NIPA2: variants seen among roughly 807,000 people sequenced by gnomAD.
The protein encoded by NIPA2 is NIPA magnesium transporter 2.
NIPA2 carries 11 observed loss-of-function variants against 29.7 expected under a neutral mutation model. The ratio of observed to expected loss-of-function variants is 0.37; its 90% CI spans 0.23 to 0.61. The LOEUF (loss-of-function observed/expected upper bound fraction) is 0.61, where lower values mean the gene tolerates loss of function less well. NIPA2 is among the 20% of genes least tolerant of loss of function. The probability of loss-of-function intolerance (pLI) is 0.66; values close to 1 mark genes in which losing one functional copy is unlikely to be tolerated. For synonymous variants in NIPA2, 183 were observed against 161.9 expected, an observed-to-expected ratio of 1.13 and a Z score of -0.99; for missense variants, 426 against 437.9, an observed-to-expected ratio of 0.97 and a Z score of 0.24.
At chr15:22,840,613 G>T (rs898506747) in intron 2 of NIPA2, among the ~76,000 whole-genome samples, 3 of 152,094 alleles carry the variant, frequency 2.0e-5, no homozygotes, top group Admixed American at 6.5e-5. Context: ...GAGCTCTAAA[G>T]TGTTAATGTA....
At position 22,867,366 on chromosome 15, in the gene NIPA2, T is replaced by TGAAG. The variant is rs1430800928; in HGVS notation, c.*523_*526dup. The TGAAG allele has an allele frequency of 1.5e-5, 6 of 393,258 alleles. No homozygotes were observed. Among genetic ancestry groups the TGAAG allele is most frequent in the African/African-American group, 2.1e-5 (1 of 48,520 alleles). The allele number at this position is 393,258 out of a possible 1,614,324, so 24.4% of individuals were successfully genotyped here. ...ATTAAGGGAAAACTAAGTTACTGAA[T>TGAAG]GAAGGAACCTCTTTCTTACAAAACA... On this transcript the variant is annotated 3_prime_UTR_variant, in exon 8 of 8. Transcript: ENST00000337451.
intron 2 of NIPA2, among the ~76,000 whole-genome samples, chr15:22,841,269 A>G (rs1415154452): frequency 1.3e-5 from 2 of 152,202 alleles, no homozygotes; most frequent in Admixed American, 1.3e-4. Flanking sequence ...CACAATTTGC[A>G]AAGATTTATC....
Position 22,867,027 on chromosome 15 carries a change from C to T in NIPA2, c.*180C>T, listed in dbSNP as rs534960949. 6.9e-6 allele frequency: 4 copies of T among 582,520 alleles called. No individual in the cohort carries two copies. The South Asian group carries it at 1.0e-4, about 15-fold the overall frequency. The allele number at this position is 582,520 out of a possible 1,614,324, so 36.1% of individuals were successfully genotyped here. ...TATTTAAACAAACAATGGTAGCTCA[C>T]TAAAATGACCTCAGCACATGACGAT... On this transcript the variant is annotated 3_prime_UTR_variant, in exon 8 of 8. Coordinates refer to ENST00000337451, the MANE Select transcript of NIPA2 (RefSeq NM_030922.7).
At chr15:22,851,032 G>A (rs1357961702) in intron 3 of NIPA2, among the ~76,000 whole-genome samples, 1 of 152,120 alleles carries the variant, frequency 6.6e-6, no homozygotes, top group Non-Finnish European at 1.5e-5. Flanking sequence ...CGAGGATTGA[G>A]CCCTCCAGAT....
At chr15:22,853,304 G>A (rs920929622) in intron 5 of NIPA2, 36 bp downstream of exon 5, 2 of 1,336,686 alleles carry the variant, frequency 1.5e-6, no homozygotes, top group African/African-American at 1.5e-5. Flanking sequence ...AAATATGATA[G>A]CTATATATTA....
intron 5 of NIPA2, among the ~76,000 whole-genome samples, chr15:22,858,118 G>C (rs2058335382): frequency 6.6e-6 from 1 of 152,158 alleles, no homozygotes; most frequent in Admixed American, 6.5e-5. Flanking sequence ...GAGAGGCTGG[G>C]CGCAGTGGCT....
chr15:22,851,540 T>C (rs1425480733), intron 3 of NIPA2, 99 bp from the exon 4 acceptor site: 5 of 377,568 alleles, frequency 1.3e-5, no homozygotes, highest in Non-Finnish European at 2.3e-5. Context: ...GAAGGAGCTA[T>C]TTTTTCTTTA....
At chr15:22,857,767 G>A (rs1466468377) in intron 5 of NIPA2, among the ~76,000 whole-genome samples, 2 of 150,142 alleles carry the variant, frequency 1.3e-5, no homozygotes, top group Non-Finnish European at 1.5e-5. Context: ...AACCCGGGAG[G>A]TGGAGGTTGC....
chr15:22,845,906 G>C (rs1566823626), intron 3 of NIPA2, among the ~76,000 whole-genome samples: 1 of 152,096 alleles, frequency 6.6e-6, no homozygotes, highest in African/African-American at 2.4e-5. Flanking sequence ...ATTTTAAATA[G>C]CATCATGAAA....
At chr15:22,851,959 G>T in intron 4 of NIPA2, 89 bp downstream of exon 4, 2 of 1,079,672 alleles carry the variant, frequency 1.9e-6, no homozygotes, top group South Asian at 1.6e-5. Flanking sequence ...TTCATTCCTC[G>T]TGAGTGTATT....
intron 5 of NIPA2, among the ~76,000 whole-genome samples, chr15:22,854,125 G>A (rs1425913684): frequency 1.4e-5 from 2 of 147,532 alleles, no homozygotes; most frequent in Admixed American, 6.8e-5. Context: ...ATGCCCAGCC[G>A]TTACTTATTT....
At chr15:22,853,336 T>C (rs1595345778) in intron 5 of NIPA2, 68 bp downstream of exon 5, 3 of 969,978 alleles carry the variant, frequency 3.1e-6, no homozygotes, top group Admixed American at 4.2e-5. Flanking sequence ...TATGGTATTA[T>C]AGCCTCATTA....
chr15:22,866,156 CTGTG>C, intron 7 of NIPA2, 53 bp from the exon 8 acceptor site: 1 of 1,413,066 alleles, frequency 7.1e-7, no homozygotes, highest in Non-Finnish European at 9.8e-7. Context: ...GTTTTGCATT[CTGTG>C]TTTAAGAACA....
chr15:22,846,124 G>A (rs1216458207), intron 3 of NIPA2, among the ~76,000 whole-genome samples: 1 of 152,126 alleles, frequency 6.6e-6, no homozygotes, highest in Non-Finnish European at 1.5e-5. Flanking sequence ...TTAGTCTTTC[G>A]CTTAGGATAG....
At chr15:22,857,456 G>GTT (rs1177270455) in intron 5 of NIPA2, among the ~76,000 whole-genome samples, 1 of 137,112 alleles carries the variant, frequency 7.3e-6, no homozygotes, top group Non-Finnish European at 1.5e-5. Flanking sequence ...AAAAAAAAAA[G>GTT]TTTTATCAGA....
At chr15:22,859,290 C>CTTTTTTT (rs60644942) in intron 6 of NIPA2, among the ~76,000 whole-genome samples, 22 of 97,338 alleles carry the variant, frequency 2.3e-4, no homozygotes, top group Non-Finnish European at 2.6e-4. Flanking sequence ...ATTTCTTTTT[C>CTTTTTTT]TTTTTTTTTT....
intron 5 of NIPA2, among the ~76,000 whole-genome samples, chr15:22,856,205 TAGTC>T (rs923185980): frequency 1.3e-5 from 2 of 152,048 alleles, no homozygotes; most frequent in African/African-American, 4.8e-5. Flanking sequence ...TACACAACAA[TAGTC>T]AGTTGGAAGG....
intron 5 of NIPA2, among the ~76,000 whole-genome samples, chr15:22,854,313 G>A (rs560957556): frequency 8.9e-4 from 134 of 150,782 alleles, no homozygotes; most frequent in Admixed American, 1.9e-3. Context: ...TTTTAGTAGG[G>A]AAGGGGTTTC....
intron 6 of NIPA2, among the ~76,000 whole-genome samples, chr15:22,859,771 A>T (rs1265804242): frequency 6.6e-6 from 1 of 152,144 alleles, no homozygotes; most frequent in Non-Finnish European, 1.5e-5. Flanking sequence ...TTCCCCAAAA[A>T]ACTATATGTA....
Sources: allele counts gnomAD v4.1 joint callset (sites outside exome capture counted in the v4.1 genomes callset), GRCh38; gene constraint gnomAD v4.1.1; transcripts MANE v1.5; gene names NCBI Gene and HGNC (gene_info 2026-07-23, HGNC 2026-07-21).